The following JCAD variants were observed in gnomAD, a reference collection of about 807,000 sequenced individuals.
The protein encoded by JCAD is junctional cadherin 5-associated protein.
JCAD carries 40 observed loss-of-function variants against 98.0 expected under a neutral mutation model. The ratio of observed to expected loss-of-function variants is 0.41; its 90% CI spans 0.32 to 0.53. The LOEUF is 0.53. Ranked by LOEUF, JCAD falls within the 20% of genes least tolerant of loss-of-function variation. The probability of loss-of-function intolerance (pLI) is 0.31; values close to 1 mark genes in which losing one functional copy is unlikely to be tolerated. For missense variants in JCAD, 1,705 were observed against 1,738.1 expected, an observed-to-expected ratio of 0.98 and a Z score of 0.34; for synonymous variants, 691 against 682.3, an observed-to-expected ratio of 1.01 and a Z score of -0.20.
chr10:30,110,131 C>T (rs990610561), intron 1 of JCAD, among the ~76,000 whole-genome samples: 7 of 151,326 alleles, frequency 4.6e-5, no homozygotes, highest in African/African-American at 1.2e-4. Flanking sequence ...ATAGACTCCC[C>T]GCTGATGTAT....
At chr10:30,060,110 TAC>T (rs3074761), upstream of JCAD, among the ~76,000 whole-genome samples, 34,915 of 149,486 alleles carry the variant, frequency 0.23, 4,618 homozygotes, top group Non-Finnish European at 0.3. Context: ...AGTATGGCTA[TAC>T]ACACACACAC....
intron 1 of JCAD, among the ~76,000 whole-genome samples, chr10:30,102,816 A>G (rs931314170): frequency 2.6e-5 from 4 of 151,972 alleles, no homozygotes; most frequent in African/African-American, 7.2e-5. Flanking sequence ...ATGGCTGGGG[A>G]GGCCTCATAA....
At chr10:30,100,533 C>T (rs1429486218) in intron 1 of JCAD, among the ~76,000 whole-genome samples, 1 of 152,078 alleles carries the variant, frequency 6.6e-6, no homozygotes, top group Non-Finnish European at 1.5e-5. Flanking sequence ...AGGCACCCAC[C>T]ACCACACCCA....
At chr10:30,061,049 A>T (rs1243565618), upstream of JCAD, among the ~76,000 whole-genome samples, 1 of 152,220 alleles carries the variant, frequency 6.6e-6, no homozygotes, top group Non-Finnish European at 1.5e-5. Flanking sequence ...AGGCAGCATG[A>T]TTAGGGGCTC....
Position 30,027,906 on chromosome 10 carries a change from G to A in JCAD, c.2242C>T (p.Arg748Cys), listed in dbSNP as rs758587099. 2 of 1,614,212 alleles carry A rather than the reference G, an allele frequency of 1.2e-6. No homozygotes were observed. Among genetic ancestry groups the A allele is most frequent in the Non-Finnish European group, 1.7e-6 (2 of 1,180,024 alleles). Residue 748 changes from arginine (R) to cysteine (C), a missense_variant, in exon 3 of 4, where the codon CGT (arginine) becomes TGT (cysteine). By Grantham distance (180) the Arg-to-Cys change is radical. Transcript: ENST00000375377. The part of the protein sequence containing the change: ...TGDHKQRPSA[R>C]NLKGHRSLSP... ...AGGGACCTGTGACCTTTCAGGTTAC[G>A]GGCACTTGGCCTCTGTTTGTGATCA...
intron 1 of JCAD, among the ~76,000 whole-genome samples, chr10:30,097,264 C>A (rs1838384825): frequency 6.6e-6 from 1 of 151,900 alleles, no homozygotes; most frequent in African/African-American, 2.4e-5. Context: ...TAGTGGCCAC[C>A]GTATTGAGCA....
chr10:30,048,935 C>T (rs1339878291), intron 1 of JCAD, among the ~76,000 whole-genome samples: 1 of 152,140 alleles, frequency 6.6e-6, no homozygotes, highest in African/African-American at 2.4e-5. Flanking sequence ...TTGCATCTCT[C>T]AGCCAAGGAT....
chr10:30,066,612 A>G (rs975908614), intron 2 of JCAD, among the ~76,000 whole-genome samples: 3 of 152,234 alleles, frequency 2.0e-5, no homozygotes, highest in Non-Finnish European at 2.9e-5. Context: ...GGGTGTGGCC[A>G]GCACCAGAGT....
intron 2 of JCAD, among the ~76,000 whole-genome samples, chr10:30,030,946 C>T (rs1354551441): frequency 1.3e-5 from 2 of 149,856 alleles, no homozygotes. Flanking sequence ...CCAAGTGTCC[C>T]CGGAGATTCC....
chr10:30,029,151 G>A lies in JCAD; in HGVS notation c.997C>T (p.Pro333Ser), dbSNP rs777255638. 6.2e-7 allele frequency: 1 copy of A among 1,614,170 alleles called. No homozygotes were observed. Among genetic ancestry groups the A allele is most frequent in the Non-Finnish European group, 8.5e-7 (1 of 1,180,036 alleles). Residue 333 changes from proline to serine, a missense_variant, in exon 3 of 4, where the codon CCT (proline) becomes TCT (serine). Pro to Ser is a moderately conservative substitution (Grantham distance 74, BLOSUM62 -1). Coordinates refer to ENST00000375377, the MANE Select transcript of JCAD (RefSeq NM_020848.4). ...VPRHELCLSD[P>S]GLEPPVYVPP... ...ACGTACACTGGAGGTTCCAATCCAGGGTCTGACAGGCAGAGCTCATGCCTG... is the reference window on the plus strand; with the variant it reads ...ACGTACACTGGAGGTTCCAATCCAGAGTCTGACAGGCAGAGCTCATGCCTG...
rs1218008152 is a variant in JCAD at position 30,058,232 on chromosome 10, CA to C, written c.-60+1249del. On this transcript the variant is annotated intron_variant, in intron 1 of 3. Coordinates refer to ENST00000375377, the MANE Select transcript of JCAD (RefSeq NM_020848.4). ...GAAGGAAAACAAGTTGTGGGAGAAA[CA>C]TCACATTAAACTGTCAGGACAGGAA... Among the ~76,000 whole-genome samples, 4 of 152,296 alleles carry C rather than the reference CA, an allele frequency of 2.6e-5. No individual in the cohort carries two copies. In the South Asian group the frequency reaches 8.3e-4, roughly 32 times the overall value.
chr10:30,113,548 CAAAAAAAAAA>C (rs71023545), intron 1 of JCAD, among the ~76,000 whole-genome samples: 303 of 15,944 alleles, frequency 0.019, 3 homozygotes, highest in Middle Eastern at 0.2. Context: ...GAGACACTGT[CAAAAAAAAAA>C]AAAAAAAAAA....
chr10:30,030,415 C>T (rs1426555768), intron 2 of JCAD, among the ~76,000 whole-genome samples: 3 of 152,032 alleles, frequency 2.0e-5, no homozygotes, highest in East Asian at 1.9e-4. Context: ...CACTCCGGCC[C>T]GGGCAGCGGT....
At chr10:30,030,859 C>T (rs866374771) in intron 2 of JCAD, among the ~76,000 whole-genome samples, 1 of 151,522 alleles carries the variant, frequency 6.6e-6, no homozygotes. Context: ...CAGGCAGTAT[C>T]CTAGACACAT....
intron 1 of JCAD, among the ~76,000 whole-genome samples, chr10:30,112,641 A>G (rs1240127994): frequency 1.3e-5 from 2 of 151,848 alleles, no homozygotes; most frequent in Non-Finnish European, 2.9e-5. Context: ...GGAAGCCGAC[A>G]TGGGTGGATC....
rs1162784775 is a variant in JCAD, at chr10:30,014,263, C to T, written c.*3620G>A. On this transcript the variant is annotated 3_prime_UTR_variant, in exon 4 of 4. Coordinates refer to ENST00000375377, the MANE Select transcript of JCAD (RefSeq NM_020848.4). Reference sequence around the variant, plus strand: ...AAAGAAAATGCAAAAATCCCCCAGCCTGCAACAGCTTCGGCTTAAGAAACA... The same window carrying T: ...AAAGAAAATGCAAAAATCCCCCAGCTTGCAACAGCTTCGGCTTAAGAAACA... 6.6e-6 allele frequency: 1 copy of T among 152,200 alleles called. No homozygotes were observed. The highest frequency in any genetic ancestry group is 1.5e-5 in the Non-Finnish European group (1 of 68,044). The allele number at this position is 152,200 out of a possible 1,614,324, so 9.4% of individuals were successfully genotyped here. A position where few individuals can be genotyped will look rare whatever the true frequency, so the allele number is the denominator to read the frequency against.
intron 3 of JCAD, among the ~76,000 whole-genome samples, chr10:30,021,920 C>T (rs1589675354): frequency 6.6e-6 from 1 of 152,342 alleles, no homozygotes; most frequent in East Asian, 1.9e-4. Context: ...CTTCTCATGG[C>T]ATGATCTGGT....
At chr10:30,051,872 T>C (rs2132649108) in intron 1 of JCAD, among the ~76,000 whole-genome samples, 1 of 152,308 alleles carries the variant, frequency 6.6e-6, no homozygotes, top group Non-Finnish European at 1.5e-5. Context: ...TAATGATCAT[T>C]CCATTAATAG....
chr10:30,038,621 G>T (rs2132632075), intron 2 of JCAD, among the ~76,000 whole-genome samples: 1 of 151,276 alleles, frequency 6.6e-6, no homozygotes, highest in East Asian at 2.0e-4. Flanking sequence ...GGGAGGTCAA[G>T]GCTGCAGTGA....
Sources: gnomAD v4.1 joint callset for allele counts (sites outside exome capture counted in the v4.1 genomes callset) on GRCh38, gnomAD v4.1.1 for gene constraint, MANE v1.5 for transcripts, NCBI Gene and HGNC (gene_info 2026-07-23, HGNC 2026-07-21) for gene names.